The following SEMA4A variants were observed in gnomAD, a reference collection of about 807,000 sequenced individuals.
SEMA4A encodes the protein semaphorin 4A, also known as semaphorin-4A.
A neutral mutation model predicts 72.5 loss-of-function variants in SEMA4A; 52 were observed. The observed-to-expected ratio is 0.72, with a 90% CI of 0.57 to 0.90. SEMA4A has a LOEUF of 0.90. Among genes scored for constraint, SEMA4A ranks in the 40% least tolerant of loss-of-function variants. The pLI is 0.00. For missense variants in SEMA4A, 926 were observed against 959.7 expected (o/e 0.96, Z 0.46); for synonymous variants, 369 against 393.1 (o/e 0.94, Z 0.73).
At position 156,157,520 on chromosome 1, in the gene SEMA4A, T is replaced by C. The variant is rs1464975940; in HGVS notation, c.301-550T>C. 6.6e-6 allele frequency among the ~76,000 whole-genome samples: 1 copy of C among 151,974 alleles called. No homozygotes were observed. The highest frequency in any genetic ancestry group is 1.5e-5 in the Non-Finnish European group (1 of 67,994). On this transcript the variant is annotated intron_variant, in intron 3 of 14. Transcript: ENST00000368285. The surrounding 1 kb of genome is among the most constrained non-coding windows in gnomAD (Gnocchi z 4.5). Reference sequence around the variant, plus strand: ...AGTCGCCCTATTAATGGGAACAATGTGAGGAAGGAAGGAAGAAAGGGAGAG... The same window carrying C: ...AGTCGCCCTATTAATGGGAACAATGCGAGGAAGGAAGGAAGAAAGGGAGAG...
chr1:156,160,699 C>T, intron 7 of SEMA4A, 140 bp downstream of exon 7: 1 of 1,035,560 alleles, frequency 9.7e-7, no homozygotes, highest in Non-Finnish European at 1.5e-6. Context: ...AGGCAAAGCT[C>T]CGGTTCTCTT....
upstream of SEMA4A, among the ~76,000 whole-genome samples, chr1:156,152,290 G>A (rs1482869373): frequency 6.6e-6 from 1 of 152,176 alleles, no homozygotes; most frequent in Non-Finnish European, 1.5e-5. Flanking sequence ...GAAGAACTGG[G>A]GGCAGGGCAT....
At chr1:156,171,585 T>C (rs1230543218) in intron 10 of SEMA4A, among the ~76,000 whole-genome samples, 1 of 152,066 alleles carries the variant, frequency 6.6e-6, no homozygotes, top group Non-Finnish European at 1.5e-5. Flanking sequence ...CTTTTTTAAA[T>C]TTCTTTTTTG....
chr1:156,160,875 T>G (rs370706025), intron 7 of SEMA4A, 30 bp from the exon 8 acceptor site: 163 of 1,612,946 alleles, frequency 1.0e-4, no homozygotes, highest in Admixed American at 2.5e-4. Flanking sequence ...AGGGGCTCAG[T>G]CCCTAAGCCC....
upstream of SEMA4A, among the ~76,000 whole-genome samples, chr1:156,150,969 C>G (rs1459438624): frequency 6.6e-6 from 1 of 152,072 alleles, no homozygotes; most frequent in African/African-American, 2.4e-5. Context: ...GTGGGCAGGT[C>G]CCTGAACATC....
At chr1:156,151,557 GCA>G (rs1652532201), upstream of SEMA4A, among the ~76,000 whole-genome samples, 1 of 152,174 alleles carries the variant, frequency 6.6e-6, no homozygotes. Context: ...TTGGGGCTGG[GCA>G]CAGTGTCTCA....
At chr1:156,165,273 C>T (rs914150777) in intron 10 of SEMA4A, among the ~76,000 whole-genome samples, 1 of 152,172 alleles carries the variant, frequency 6.6e-6, no homozygotes, top group African/African-American at 2.4e-5. Flanking sequence ...CCTGGAATTC[C>T]CCTGCCTCAT....
chr1:156,170,614 C>CGCG (rs1311136813), intron 10 of SEMA4A, among the ~76,000 whole-genome samples: 1 of 151,280 alleles, frequency 6.6e-6, no homozygotes, highest in Non-Finnish European at 1.5e-5. Context: ...ATTAGCCAGG[C>CGCG]GTGGTGGCGG....
At position 156,158,748 on chromosome 1, in the gene SEMA4A, C is replaced by T. The variant is rs562037528; in HGVS notation, c.492C>T (p.Ile164=). The T allele has an allele frequency of 3.9e-4, 624 of 1,614,050 alleles. 12 individuals are homozygous for T. The South Asian group carries it at 6.6e-3, about 17-fold the overall frequency. Residue 164 remains isoleucine, a synonymous_variant, in exon 6 of 15, where the codon ATC becomes ATT. Coordinates refer to ENST00000368285, the MANE Select transcript of SEMA4A (RefSeq NM_022367.4). ...IELQDSYLLP[I]SEDKVMEGKG... is the part of the protein sequence containing the mutation. ...TTCAAGATTCCTACCTGTTGCCCAT[C>T]TCGGAGGACAAGGTCATGGAGGGAA...
chr1:156,176,315 G>A, intron 14 of SEMA4A, 90 bp from the exon 15 acceptor site: 1 of 1,019,292 alleles, frequency 9.8e-7, no homozygotes, highest in Non-Finnish European at 1.5e-6. Flanking sequence ...AAAAAAAGAG[G>A]GCTGGGGTCC....
chr1:156,159,136 C>G (rs1653340961), intron 6 of SEMA4A: 1 of 385,494 alleles, frequency 2.6e-6, no homozygotes, highest in African/African-American at 2.1e-5. Context: ...GAGTCTGAGA[C>G]CAGCCTGGTA....
rs532164495 is a variant in SEMA4A at position 156,164,708 on chromosome 1, T to C, written c.1134+1614T>C. 2.0e-3 allele frequency among the ~76,000 whole-genome samples: 304 copies of C among 152,202 alleles called. 1 individual carries two copies. Among genetic ancestry groups the C allele is most frequent in the Non-Finnish European group, 3.3e-3 (225 of 68,034 alleles). On this transcript the variant is annotated intron_variant, in intron 10 of 14. Coordinates refer to ENST00000368285, the MANE Select transcript of SEMA4A (RefSeq NM_022367.4). ...AGCCTAGCCAGGCAGTAAGCCATGATTACTTTTCCTTTTTGCATAGTTTTG... is the reference window on the plus strand; with the variant it reads ...AGCCTAGCCAGGCAGTAAGCCATGACTACTTTTCCTTTTTGCATAGTTTTG...
chr1:156,169,544 G>A (rs370675423), intron 10 of SEMA4A, among the ~76,000 whole-genome samples: 141 of 148,714 alleles, frequency 9.5e-4, no homozygotes, highest in African/African-American at 3.3e-3. Context: ...CTCAGTCTCC[G>A]GAGTAGCTGG....
At position 156,176,456 on chromosome 1, in the gene SEMA4A, A is replaced by G. The variant is rs1185083836; in HGVS notation, c.1745A>G (p.His582Arg). ...PNSILELPCPHLSALASYYWS... is the reference protein window; with the variant it reads ...PNSILELPCPRLSALASYYWS... ...TCCATCCTGGAGCTCCCCTGCCCCC[A>G]CCTGTCAGCCTTGGCCTCTTATTAT... Residue 582 changes from histidine to arginine, a missense_variant, in exon 15 of 15, where the codon CAC becomes CGC. His to Arg is a conservative substitution (Grantham distance 29, BLOSUM62 0). Transcript: ENST00000368285. The G allele has an allele frequency of 6.2e-7, 1 of 1,614,040 alleles. No individual in the cohort carries two copies.
At chr1:156,156,825 C>G (rs1022271681) in intron 3 of SEMA4A, among the ~76,000 whole-genome samples, 1 of 150,916 alleles carries the variant, frequency 6.6e-6, no homozygotes, top group Non-Finnish European at 1.5e-5. Flanking sequence ...CTCACTGCAA[C>G]CTCCGCCTCC....
chr1:156,166,561 G>A (rs1654180954), intron 10 of SEMA4A, among the ~76,000 whole-genome samples: 1 of 152,016 alleles, frequency 6.6e-6, no homozygotes, highest in Non-Finnish European at 1.5e-5. Flanking sequence ...CTATTTTTCT[G>A]GAAGAGTGTC....
At position 156,176,960 on chromosome 1, in the gene SEMA4A, A is replaced by T. The variant is rs141707567; in HGVS notation, c.2249A>T (p.Asp750Val). 2.3e-4 allele frequency: 366 copies of T among 1,613,154 alleles called. 2 individuals are homozygous for T. The African/African-American group carries it at 4.4e-3, about 19-fold the overall frequency. The change falls in exon 15 of 15, where the codon GAC becomes GTC. Residue 750 changes from aspartate to valine, a missense_variant. Physicochemically the swap from Asp to Val is radical, Grantham distance 152. Transcript: ENST00000368285. ...KECRTSASDV[D>V]ADNNCLGTEV... ...TGCAGGACCTCTGCCAGTGATGTGG[A>T]CGCTGACAACAACTGCCTAGGCACT...
chr1:156,172,425 G>C (rs1373966459), intron 10 of SEMA4A, among the ~76,000 whole-genome samples: 1 of 152,116 alleles, frequency 6.6e-6, no homozygotes, highest in East Asian at 1.9e-4. Flanking sequence ...CATAAAACTT[G>C]GTACTTGCCT....
chr1:156,160,339 C>T (rs1162340084), intron 6 of SEMA4A, 104 bp from the exon 7 acceptor site: 2 of 884,132 alleles, frequency 2.3e-6, no homozygotes, highest in African/African-American at 3.3e-5. Context: ...GATGCAGGGC[C>T]CCCGAGACTG....
Sources: allele counts gnomAD v4.1 joint callset (sites outside exome capture counted in the v4.1 genomes callset), GRCh38; gene constraint gnomAD v4.1.1; non-coding constraint Gnocchi (gnomAD v3.1); transcripts MANE v1.5; gene names NCBI Gene and HGNC (gene_info 2026-07-23, HGNC 2026-07-21).